The following SPAG16 variants were observed in gnomAD, a reference collection of about 807,000 sequenced individuals.
SPAG16 encodes sperm-associated antigen 16 protein.
Under a neutral mutation model 80.4 loss-of-function variants are expected in SPAG16, and 86 were observed. That is an observed-to-expected ratio of 1.07 (90% CI 0.90 to 1.28). The LOEUF (loss-of-function observed/expected upper bound fraction) is 1.28. Ranked by LOEUF, SPAG16 falls within the 50% of genes most tolerant of loss-of-function variation. The pLI is 0.00. For synonymous variants in SPAG16, 294 were observed against 265.9 expected (o/e 1.11, Z -1.03); for missense variants, 870 against 765.3 (o/e 1.14, Z -1.61).
chr2:214,283,616 T>C (rs1002984330), intron 15 of SPAG16, among the ~76,000 whole-genome samples: 2 of 152,170 alleles, frequency 1.3e-5, no homozygotes, highest in African/African-American at 2.4e-5. Context: ...GAATTAACTT[T>C]ACAAAAAATA....
At chr2:213,698,418 CA>C (rs2065252065) in intron 10 of SPAG16, among the ~76,000 whole-genome samples, 2 of 152,000 alleles carry the variant, frequency 1.3e-5, no homozygotes, top group African/African-American at 4.8e-5. Context: ...CATGCTACCA[CA>C]CTTGGCTAAT....
chr2:213,454,942 T>G (rs1247919122), intron 9 of SPAG16, among the ~76,000 whole-genome samples: 1 of 152,232 alleles, frequency 6.6e-6, no homozygotes, highest in Non-Finnish European at 1.5e-5. Flanking sequence ...TCTTTTTATA[T>G]TCTATATCCT....
At chr2:213,894,440 C>A (rs796696475) in intron 11 of SPAG16, among the ~76,000 whole-genome samples, 3 of 151,962 alleles carry the variant, frequency 2.0e-5, no homozygotes, top group African/African-American at 7.2e-5. Flanking sequence ...AGGAACATGC[C>A]TCAAAATAAT....
chr2:214,175,352 A>G (rs1245754220), intron 15 of SPAG16, among the ~76,000 whole-genome samples: 3 of 148,284 alleles, frequency 2.0e-5, no homozygotes, highest in Non-Finnish European at 4.5e-5. Context: ...TATATGAATC[A>G]GAGAAATTCT....
intron 6 of SPAG16, among the ~76,000 whole-genome samples, chr2:213,341,750 A>AG (rs1287467983): frequency 1.3e-5 from 2 of 151,996 alleles, no homozygotes; most frequent in Non-Finnish European, 2.9e-5. Flanking sequence ...TTTGTTGATC[A>AG]GGTTGGTTTT....
chr2:214,142,701 C>G (rs2055424635), intron 14 of SPAG16, among the ~76,000 whole-genome samples: 1 of 152,112 alleles, frequency 6.6e-6, no homozygotes, highest in Non-Finnish European at 1.5e-5. Flanking sequence ...GTCCAGGTGG[C>G]AAGACTGTGT....
At chr2:214,022,605 C>T (rs2047927372) in intron 13 of SPAG16, among the ~76,000 whole-genome samples, 2 of 151,886 alleles carry the variant, frequency 1.3e-5, no homozygotes, top group Admixed American at 6.6e-5. Flanking sequence ...TCATGAAACT[C>T]GGAGCTTTCT....
rs1032997829 is a variant in SPAG16 at position 214,348,994 on chromosome 2, A to C, written c.1721-61146A>C. Among the ~76,000 whole-genome samples, 5 of 152,192 alleles carry C rather than the reference A, an allele frequency of 3.3e-5. No homozygotes were observed. In the South Asian group the frequency reaches 8.3e-4, roughly 25 times the overall value. ...TTTTTACTTTTACAATTAAATTTAC[A>C]ATTCACTTGATCTATTTGCTTATCC... On this transcript the variant is annotated intron_variant, in intron 15 of 15. Coordinates refer to ENST00000331683, the MANE Select transcript of SPAG16 (RefSeq NM_024532.5).
chr2:213,497,733 G>A (rs756290133), intron 10 of SPAG16, among the ~76,000 whole-genome samples: 4 of 151,928 alleles, frequency 2.6e-5, no homozygotes, highest in African/African-American at 9.7e-5. Context: ...CTTTAACTAC[G>A]GTTGGTAAGA....
intron 13 of SPAG16, among the ~76,000 whole-genome samples, chr2:214,073,457 G>C (rs766418775): frequency 6.6e-6 from 1 of 151,832 alleles, no homozygotes; most frequent in Non-Finnish European, 1.5e-5. Flanking sequence ...GGATGGTCTC[G>C]ATCTCCTGAG....
At chr2:214,201,183 A>T (rs2057999135) in intron 15 of SPAG16, among the ~76,000 whole-genome samples, 1 of 152,218 alleles carries the variant, frequency 6.6e-6, no homozygotes, top group Admixed American at 6.5e-5. Flanking sequence ...AAGTAGCATA[A>T]ATTCTTACTT....
intron 11 of SPAG16, 98 bp from the exon 12 acceptor site, chr2:213,929,862 G>GATACAT: frequency 9.7e-7 from 1 of 1,033,146 alleles, no homozygotes; most frequent in Non-Finnish European, 1.4e-6. Flanking sequence ...AAATAAATCA[G>GATACAT]ATACATACAC....
intron 10 of SPAG16, among the ~76,000 whole-genome samples, chr2:213,724,412 G>A (rs1040618522): frequency 2.6e-5 from 4 of 151,988 alleles, no homozygotes; most frequent in African/African-American, 7.3e-5. Context: ...TTCTAGTGAG[G>A]GAGACAATAT....
chr2:214,233,674 G>A (rs945552773), intron 15 of SPAG16, among the ~76,000 whole-genome samples: 5 of 151,906 alleles, frequency 3.3e-5, no homozygotes, highest in Admixed American at 6.6e-5. Flanking sequence ...TGCCCACTGA[G>A]GTAATAACCA....
At chr2:213,505,506 A>T (rs911957316) in intron 10 of SPAG16, among the ~76,000 whole-genome samples, 3 of 152,266 alleles carry the variant, frequency 2.0e-5, no homozygotes, top group Admixed American at 1.3e-4. Context: ...TTAAAACATA[A>T]GTTAGTATTT....
At position 213,702,372 on chromosome 2, in the gene SPAG16, C is replaced by G. The variant is rs1052690187; in HGVS notation, c.1071-160113C>G. On this transcript the variant is annotated intron_variant, in intron 10 of 15. Coordinates refer to ENST00000331683, the MANE Select transcript of SPAG16 (RefSeq NM_024532.5). ...TGTTCTTTCACTTTTTGCAATAAATCTTGCTGCTGCTGTTTGGGTCCATGC... is the reference window on the plus strand; with the variant it reads ...TGTTCTTTCACTTTTTGCAATAAATGTTGCTGCTGCTGTTTGGGTCCATGC... 2.0e-5 allele frequency among the ~76,000 whole-genome samples: 3 copies of G among 152,338 alleles called. No individual in the cohort carries two copies. The East Asian group carries it at 5.8e-4, about 29-fold the overall frequency.
chr2:213,891,051 C>A (rs1049339654), intron 11 of SPAG16, among the ~76,000 whole-genome samples: 1 of 151,948 alleles, frequency 6.6e-6, no homozygotes, highest in African/African-American at 2.4e-5. Context: ...ATTTAGAAAT[C>A]ATTGGTATTT....
At chr2:213,968,264 T>C (rs928847851) in intron 12 of SPAG16, among the ~76,000 whole-genome samples, 18 of 151,968 alleles carry the variant, frequency 1.2e-4, no homozygotes, top group African/African-American at 4.4e-4. Flanking sequence ...AATCTCCGCC[T>C]CCCAAGTTCA....
chr2:213,567,227 CATT>C (rs1454892150), intron 10 of SPAG16, among the ~76,000 whole-genome samples: 1 of 128,120 alleles, frequency 7.8e-6, no homozygotes, highest in African/African-American at 3.2e-5. Flanking sequence ...ACTTGTTTGA[CATT>C]GTTTTTTTTT....
Sources: allele counts gnomAD v4.1 joint callset (sites outside exome capture counted in the v4.1 genomes callset), GRCh38; gene constraint gnomAD v4.1.1; transcripts MANE v1.5; gene names NCBI Gene and HGNC (gene_info 2026-07-23, HGNC 2026-07-21).